Variants in CMSS1 observed in about 807,000 individuals in gnomAD.
CMSS1 encodes protein CMSS1.
In CMSS1, 33 loss-of-function variants were observed where a neutral mutation model predicts 43.5. The ratio of observed to expected loss-of-function variants is 0.76; its 90% CI spans 0.57 to 1.01. The LOEUF is 1.01. CMSS1 is among the 50% of genes least tolerant of loss of function. The pLI, the probability that CMSS1 is intolerant of heterozygous loss-of-function variation, is 0.00. For missense variants in CMSS1, 313 were observed against 326.4 expected (o/e 0.96, Z 0.32); for synonymous variants, 115 against 117.2 (o/e 0.98, Z 0.12).
At chr3:99,966,487 T>A (rs1360650141) in intron 1 of CMSS1, among the ~76,000 whole-genome samples, 2 of 152,198 alleles carry the variant, frequency 1.3e-5, no homozygotes, top group Non-Finnish European at 2.9e-5. Context: ...AATGATTGTT[T>A]TTGTGCAGAG....
intron 4 of CMSS1, among the ~76,000 whole-genome samples, chr3:100,164,689 G>A (rs1328866618): frequency 6.6e-6 from 1 of 152,142 alleles, no homozygotes; most frequent in Non-Finnish European, 1.5e-5. Flanking sequence ...ACAGAGAATA[G>A]ATCTAAGCTA....
chr3:99,876,636 G>A (rs553251479), intron 1 of CMSS1, among the ~76,000 whole-genome samples: 1 of 152,274 alleles, frequency 6.6e-6, no homozygotes, highest in South Asian at 2.1e-4. Flanking sequence ...ATCTCTGGGG[G>A]TGATTTAGAC....
intron 1 of CMSS1, among the ~76,000 whole-genome samples, chr3:100,140,720 T>G (rs1177369914): frequency 6.6e-6 from 1 of 152,028 alleles, no homozygotes; most frequent in African/African-American, 2.4e-5. Flanking sequence ...AGATGTAGGT[T>G]TTTCTGAGGC....
At chr3:99,905,166 A>T (rs1280754113) in intron 1 of CMSS1, among the ~76,000 whole-genome samples, 1 of 152,122 alleles carries the variant, frequency 6.6e-6, no homozygotes, top group Non-Finnish European at 1.5e-5. Context: ...GAATGTAGGC[A>T]TTTGCCAGGA....
intron 1 of CMSS1, among the ~76,000 whole-genome samples, chr3:99,972,694 G>C (rs1183018433): frequency 6.6e-6 from 1 of 152,184 alleles, no homozygotes; most frequent in South Asian, 2.1e-4. Flanking sequence ...CAAAGCCAAG[G>C]AACTGCATGG....
At chr3:99,913,763 A>T (rs775510453) in intron 1 of CMSS1, among the ~76,000 whole-genome samples, 1 of 152,250 alleles carries the variant, frequency 6.6e-6, no homozygotes, top group Non-Finnish European at 1.5e-5. Flanking sequence ...TGCAAGATAT[A>T]GTGTGAAAAA....
At chr3:100,020,890 C>A (rs963698398) in intron 1 of CMSS1, among the ~76,000 whole-genome samples, 3 of 149,470 alleles carry the variant, frequency 2.0e-5, no homozygotes, top group African/African-American at 4.9e-5. Flanking sequence ...GCCTTAGTCT[C>A]CCAAGTAGCT....
intron 1 of CMSS1, chr3:99,851,197 CAA>C (rs1943680726): frequency 1.4e-6 from 1 of 690,436 alleles, no homozygotes; most frequent in Non-Finnish European, 2.2e-6. Flanking sequence ...ATACAATATG[CAA>C]AAGAGTTCCT....
intron 1 of CMSS1, among the ~76,000 whole-genome samples, chr3:99,948,396 G>A (rs548502790): frequency 1.4e-4 from 21 of 151,790 alleles, no homozygotes; most frequent in Non-Finnish European, 2.4e-4. Context: ...AAATTAGCTC[G>A]GTAGGGTGAT....
At chr3:99,888,071 G>C (rs1203739286) in intron 1 of CMSS1, among the ~76,000 whole-genome samples, 1 of 152,046 alleles carries the variant, frequency 6.6e-6, no homozygotes, top group Non-Finnish European at 1.5e-5. Flanking sequence ...ACTTCTCTTA[G>C]GTACTATCTT....
At chr3:100,041,942 AG>A (rs2065211926) in intron 1 of CMSS1, among the ~76,000 whole-genome samples, 1 of 152,344 alleles carries the variant, frequency 6.6e-6, no homozygotes, top group East Asian at 1.9e-4. Context: ...GCTGCACCTC[AG>A]GAACAGTGAG....
intron 1 of CMSS1, among the ~76,000 whole-genome samples, chr3:99,955,587 T>C (rs1042631705): frequency 9.2e-5 from 14 of 152,186 alleles, no homozygotes; most frequent in African/African-American, 3.1e-4. Flanking sequence ...GACACTTTTT[T>C]ACTTGTGAAA....
chr3:99,892,475 A>G (rs1012979895), intron 1 of CMSS1, among the ~76,000 whole-genome samples: 1 of 152,234 alleles, frequency 6.6e-6, no homozygotes, highest in Non-Finnish European at 1.5e-5. Context: ...ATGTCACCAC[A>G]CAACAAAAAA....
intron 1 of CMSS1, among the ~76,000 whole-genome samples, chr3:100,113,615 C>G (rs936171747): frequency 1.3e-5 from 2 of 152,128 alleles, no homozygotes; most frequent in Non-Finnish European, 2.9e-5. Flanking sequence ...TGCAATTTAA[C>G]CTATTCAGTA....
chr3:100,001,507 G>A (rs1709841887), intron 1 of CMSS1, among the ~76,000 whole-genome samples: 1 of 152,122 alleles, frequency 6.6e-6, no homozygotes, highest in Non-Finnish European at 1.5e-5. Context: ...AGAATGTATT[G>A]GTGGTTCTGG....
intron 1 of CMSS1, among the ~76,000 whole-genome samples, chr3:99,947,128 A>G (rs2107683520): frequency 1.1e-5 from 1 of 92,862 alleles, no homozygotes. Context: ...ACAGAGCAAG[A>G]CTCTGTCTCA....
chr3:100,150,175 C>G (rs1053332087), intron 2 of CMSS1, among the ~76,000 whole-genome samples: 6 of 152,208 alleles, frequency 3.9e-5, no homozygotes, highest in Non-Finnish European at 4.4e-5. Context: ...GAGTCCTTCT[C>G]TAATTGTTTA....
chr3:99,869,904 C>G (rs1350147095), intron 1 of CMSS1, among the ~76,000 whole-genome samples: 1 of 152,208 alleles, frequency 6.6e-6, no homozygotes, highest in Non-Finnish European at 1.5e-5. Flanking sequence ...AGAGGACTGA[C>G]CTCAGCCTTG....
intron 1 of CMSS1, among the ~76,000 whole-genome samples, chr3:100,111,207 A>G (rs777573150): frequency 3.3e-5 from 5 of 152,158 alleles, no homozygotes; most frequent in Non-Finnish European, 7.4e-5. Flanking sequence ...ATGGAGGCAG[A>G]AAGAGGATGG....
Sources: allele counts gnomAD v4.1 joint callset (sites outside exome capture counted in the v4.1 genomes callset), GRCh38; gene constraint gnomAD v4.1.1; transcripts MANE v1.5; gene names NCBI Gene and HGNC (gene_info 2026-07-23, HGNC 2026-07-21).